Variants in S100A16 observed in about 807,000 individuals in gnomAD.
The protein encoded by S100A16 is S100 calcium binding protein A16.
Under a neutral mutation model 9.0 loss-of-function variants are expected in S100A16, and 8 were observed. The ratio of observed to expected loss-of-function variants is 0.89; its 90% CI spans 0.52 to 1.60. S100A16 has a LOEUF of 1.60. Ranked by LOEUF, S100A16 falls within the 40% of genes most tolerant of loss-of-function variation. The probability of loss-of-function intolerance (pLI) is 0.00; values close to 1 mark genes in which losing one functional copy is unlikely to be tolerated. For missense variants in S100A16, 138 were observed against 132.4 expected, an observed-to-expected ratio of 1.04 and a Z score of -0.21; for synonymous variants, 51 against 51.4, an observed-to-expected ratio of 0.99 and a Z score of 0.04.
intron 1 of S100A16, among the ~76,000 whole-genome samples, chr1:153,610,161 G>A (rs754400509): frequency 1.8e-4 from 28 of 152,144 alleles, no homozygotes; most frequent in Non-Finnish European, 3.1e-4. Context: ...CCTTGGGTTG[G>A]AGGTGGCTCA....
At position 153,607,094 on chromosome 1, in the gene S100A16, T is replaced by TCTGCTGCCG. The variant is rs1666704973; in HGVS notation, c.*439_*440insCGGCAGCAG. On this transcript the variant is annotated 3_prime_UTR_variant, in exon 3 of 3. Transcript: ENST00000368706. ...GGGGCTAAGGGAAAGTGGAGAGGTCTCTGCTGCTGCTGCTGCTGCTGCTGC... is the reference window on the plus strand; with the variant it reads ...GGGGCTAAGGGAAAGTGGAGAGGTCTCTGCTGCCGCTGCTGCTGCTGCTGCTGCTGCTGC... 4 of 440,704 alleles carry TCTGCTGCCG rather than the reference T, an allele frequency of 9.1e-6. No homozygotes were observed. The highest frequency in any genetic ancestry group is 2.0e-5 in the African/African-American group (1 of 49,320). The allele number at this position is 440,704 out of a possible 1,614,324, so 27.3% of individuals were successfully genotyped here. A position where few individuals can be genotyped will look rare whatever the true frequency, so the allele number is the denominator to read the frequency against.
At chr1:153,610,490 C>T (rs1454217870) in intron 1 of S100A16, among the ~76,000 whole-genome samples, 1 of 152,184 alleles carries the variant, frequency 6.6e-6, no homozygotes, top group Admixed American at 6.5e-5. Flanking sequence ...CATGACTCAA[C>T]CCCTGCTTGG....
intron 1 of S100A16, among the ~76,000 whole-genome samples, chr1:153,609,900 G>A (rs527334331): frequency 6.6e-6 from 1 of 152,290 alleles, no homozygotes; most frequent in African/African-American, 2.4e-5. Context: ...TCAGGCTGCG[G>A]CTTCTCTGAA....
At chr1:153,610,351 A>T (rs920011988) in intron 1 of S100A16, among the ~76,000 whole-genome samples, 1 of 152,194 alleles carries the variant, frequency 6.6e-6, no homozygotes, top group Non-Finnish European at 1.5e-5. Flanking sequence ...GGTCAGGGAG[A>T]GGAAGAGGGA....
chr1:153,609,512 C>G (rs1216905240), intron 1 of S100A16, among the ~76,000 whole-genome samples: 3 of 152,222 alleles, frequency 2.0e-5, no homozygotes, highest in Non-Finnish European at 4.4e-5. Flanking sequence ...CTGGGGCCCA[C>G]TAACTGGTGA....
intron 1 of S100A16, chr1:153,608,837 C>T: frequency 1.2e-6 from 1 of 807,412 alleles, no homozygotes; most frequent in Non-Finnish European, 1.5e-6. Flanking sequence ...GCCTCTCCTC[C>T]CTTATTCCCA....
chr1:153,611,057 C>A (rs1666824619), intron 1 of S100A16, among the ~76,000 whole-genome samples: 1 of 151,922 alleles, frequency 6.6e-6, no homozygotes, highest in Non-Finnish European at 1.5e-5. Flanking sequence ...GCCCTCTCAC[C>A]TCAGGCCTCC....
intron 1 of S100A16, chr1:153,609,043 A>T: frequency 2.0e-6 from 2 of 985,660 alleles, no homozygotes; most frequent in Non-Finnish European, 2.4e-6. Context: ...GAATAACAGG[A>T]TATGAGGGGA....
At chr1:153,609,086 G>A (rs767097122) in intron 1 of S100A16, 20 of 985,690 alleles carry the variant, frequency 2.0e-5, no homozygotes, top group East Asian at 1.1e-4. Context: ...TGTGAGTCAC[G>A]GCCCATGCCC....
Position 153,607,093 on chromosome 1 carries a change from C to G in S100A16, c.*441G>C. 1 of 443,462 alleles carries G rather than the reference C, an allele frequency of 2.3e-6. No individual in the cohort carries two copies. Among genetic ancestry groups the G allele is most frequent in the South Asian group, 1.6e-5 (1 of 61,732 alleles). 27.5% of individuals were successfully genotyped at this position (443,462 alleles called of 1,614,324 possible). On this transcript the variant is annotated 3_prime_UTR_variant, in exon 3 of 3. Transcript: ENST00000368706. ...AGGGGCTAAGGGAAAGTGGAGAGGT[C>G]TCTGCTGCTGCTGCTGCTGCTGCTG...
At chr1:153,611,918 C>CACACACACACAG (rs1666844481) in intron 1 of S100A16, among the ~76,000 whole-genome samples, 1 of 24,660 alleles carries the variant, frequency 4.1e-5, no homozygotes, top group South Asian at 1.4e-3. Flanking sequence ...GTCTCTCTCT[C>CACACACACACAG]ACACACACAC....
Position 153,607,038 on chromosome 1 carries a change from A to G in S100A16, c.*496T>C. On this transcript the variant is annotated 3_prime_UTR_variant, in exon 3 of 3. Coordinates refer to ENST00000368706, the MANE Select transcript of S100A16 (RefSeq NM_080388.3). ...CCAGATGAAGAGGCAGCTGGAGGGA[A>G]GTCCCTGAAAGTGCCTCTCTACCCA... 1 of 324,320 alleles carries G rather than the reference A, an allele frequency of 3.1e-6. No homozygotes were observed. The highest frequency in any genetic ancestry group is 6.2e-6 in the Non-Finnish European group (1 of 161,450). The allele number at this position is 324,320 out of a possible 1,614,324, so 20.1% of individuals were successfully genotyped here.
chr1:153,612,271 G>A (rs551661955), intron 1 of S100A16, among the ~76,000 whole-genome samples: 8 of 152,280 alleles, frequency 5.3e-5, no homozygotes, highest in East Asian at 1.9e-4. Flanking sequence ...AGCTCAAGCC[G>A]GGGCCTGCCT....
intron 1 of S100A16, among the ~76,000 whole-genome samples, chr1:153,611,244 C>G (rs958968768): frequency 6.7e-6 from 1 of 148,198 alleles, no homozygotes; most frequent in Admixed American, 6.8e-5. Context: ...CCTCCCACCC[C>G]CAGGTTCTGG....
At position 153,607,434 on chromosome 1, in the gene S100A16, TA is replaced by T; in HGVS notation, c.*99del. On this transcript the variant is annotated 3_prime_UTR_variant, in exon 3 of 3. Transcript: ENST00000368706. ...AGGAAGGTCTGGAGGGAGAAGAGAG[TA>T]AAGGGCCCTGGGTGGGCAGGAGGCT... 7.1e-7 allele frequency: 1 copy of T among 1,405,886 alleles called. No individual in the cohort carries two copies. Among genetic ancestry groups the T allele is most frequent in the Non-Finnish European group, 9.9e-7 (1 of 1,007,506 alleles). The allele number at this position is 1,405,886 out of a possible 1,614,324, so 87.1% of individuals were successfully genotyped here. A position where few individuals can be genotyped will look rare whatever the true frequency, so the allele number is the denominator to read the frequency against.
chr1:153,612,724 A>C (rs1425107347), intron 1 of S100A16, among the ~76,000 whole-genome samples: 1 of 151,882 alleles, frequency 6.6e-6, no homozygotes, highest in African/African-American at 2.4e-5. Flanking sequence ...AGGGGGTCTC[A>C]CCATCCCATC....
Position 153,608,162 on chromosome 1 carries a change from C to T in S100A16, c.-11G>A, listed in dbSNP as rs113696568. 2.7e-5 allele frequency: 44 copies of T among 1,612,710 alleles called. No homozygotes were observed. In the South Asian group the frequency reaches 3.1e-4, roughly 11 times the overall value. On this transcript the variant is annotated 5_prime_UTR_variant, in exon 2 of 3. Transcript: ENST00000368706. ...GTAGCAGTCTGACATCTCCCTGCTT[C>T]GCCTGCTGGCGGGGCCTGGACACCA...
intron 2 of S100A16, 101 bp from the exon 3 acceptor site, chr1:153,607,793 T>C: frequency 6.9e-7 from 1 of 1,454,656 alleles, no homozygotes; most frequent in Non-Finnish European, 9.5e-7. Context: ...GCACAGCTGC[T>C]TCCCTTGGGA....
Position 153,607,516 on chromosome 1 carries a change from G to T in S100A16, c.*18C>A. 6.2e-7 allele frequency: 1 copy of T among 1,613,858 alleles called. No individual in the cohort carries two copies. The highest frequency in any genetic ancestry group is 8.5e-7 in the Non-Finnish European group (1 of 1,179,946). Reference sequence around the variant, plus strand: ...GGGGCATCAGGCCAGTGCCTGGAAGGTGTGGCCAAAGGGGTCTCTAGCTGC... The same window carrying T: ...GGGGCATCAGGCCAGTGCCTGGAAGTTGTGGCCAAAGGGGTCTCTAGCTGC... On this transcript the variant is annotated 3_prime_UTR_variant, in exon 3 of 3. Coordinates refer to ENST00000368706, the MANE Select transcript of S100A16 (RefSeq NM_080388.3).
Sources: gnomAD v4.1 joint callset for allele counts (sites outside exome capture counted in the v4.1 genomes callset) on GRCh38, gnomAD v4.1.1 for gene constraint, MANE v1.5 for transcripts, NCBI Gene and HGNC (gene_info 2026-07-23, HGNC 2026-07-21) for gene names.